Variants in RGS6 observed in about 807,000 individuals in gnomAD.
RGS6 encodes regulator of G protein signaling 6.
RGS6 carries 30 observed loss-of-function variants against 78.5 expected under a neutral mutation model. The observed-to-expected ratio is 0.38, with a 90% CI of 0.29 to 0.52. The LOEUF is 0.52. Ranked by LOEUF, RGS6 falls within the 20% of genes least tolerant of loss-of-function variation. RGS6 has a pLI of 0.85. For missense variants in RGS6, 495 were observed against 609.7 expected (o/e 0.81, Z 1.98); for synonymous variants, 206 against 206.0 (o/e 1.00, Z 0.00).
At chr14:72,519,495 C>T (rs2097000832) in intron 15 of RGS6, among the ~76,000 whole-genome samples, 1 of 152,186 alleles carries the variant, frequency 6.6e-6, no homozygotes, top group African/African-American at 2.4e-5. Context: ...TGCACCAATG[C>T]AAATAATGGC....
At chr14:72,099,049 CTGTT>C (rs1392166682) in intron 2 of RGS6, among the ~76,000 whole-genome samples, 3 of 152,192 alleles carry the variant, frequency 2.0e-5, no homozygotes, top group Admixed American at 6.5e-5. Flanking sequence ...ATCGAACAGT[CTGTT>C]TGTATTGAGT....
intron 3 of RGS6, among the ~76,000 whole-genome samples, chr14:72,410,182 A>T (rs1275877045): frequency 6.6e-6 from 1 of 152,224 alleles, no homozygotes; most frequent in Non-Finnish European, 1.5e-5. Flanking sequence ...TCCCACCAAC[A>T]GTGTAAAAGT....
chr14:72,155,751 C>T (rs943816814), intron 2 of RGS6, among the ~76,000 whole-genome samples: 1 of 152,184 alleles, frequency 6.6e-6, no homozygotes, highest in Non-Finnish European at 1.5e-5. Context: ...TGGCAATTTC[C>T]CCTTCTAATA....
At chr14:72,048,057 T>C (rs1414517172) in intron 2 of RGS6, among the ~76,000 whole-genome samples, 1 of 152,078 alleles carries the variant, frequency 6.6e-6, no homozygotes, top group African/African-American at 2.4e-5. Context: ...GAGCATCTTA[T>C]GTTTCACCAA....
intron 2 of RGS6, among the ~76,000 whole-genome samples, chr14:72,250,326 C>T (rs1000147272): frequency 1.3e-5 from 2 of 148,562 alleles, no homozygotes; most frequent in African/African-American, 5.0e-5. Flanking sequence ...TTCCTAGAAG[C>T]CTTCTTCCTT....
intron 15 of RGS6, among the ~76,000 whole-genome samples, chr14:72,533,669 AGTT>A (rs2097210165): frequency 1.3e-5 from 2 of 152,240 alleles, no homozygotes; most frequent in South Asian, 4.1e-4. Flanking sequence ...GTTTGGAAGA[AGTT>A]GATTCCAGCC....
chr14:72,591,206 G>A, the RGS6 span, among the ~76,000 whole-genome samples: 10 of 151,940 alleles, frequency 6.6e-5, no homozygotes, highest in South Asian at 2.1e-4. Context: ...ACGAAAACCC[G>A]TTATATAAAG....
intron 2 of RGS6, among the ~76,000 whole-genome samples, chr14:72,242,991 G>GGC (rs1279229445): frequency 6.6e-6 from 1 of 151,764 alleles, no homozygotes; most frequent in Non-Finnish European, 1.5e-5. Context: ...TGGGATTACA[G>GGC]GCGCGCGCCA....
At chr14:72,509,030 G>T (rs140495597) in intron 13 of RGS6, among the ~76,000 whole-genome samples, 1 of 152,294 alleles carries the variant, frequency 6.6e-6, no homozygotes, top group Non-Finnish European at 1.5e-5. Context: ...TAGTCTGAAT[G>T]TGAGACAGCA....
At chr14:72,108,926 T>C (rs1203502605) in intron 2 of RGS6, among the ~76,000 whole-genome samples, 2 of 152,162 alleles carry the variant, frequency 1.3e-5, no homozygotes, top group African/African-American at 4.8e-5. Flanking sequence ...TTTCCTCTTT[T>C]ATCCTTAAGC....
chr14:72,262,152 G>A (rs962815468), intron 2 of RGS6, among the ~76,000 whole-genome samples: 13 of 152,064 alleles, frequency 8.5e-5, no homozygotes, highest in Non-Finnish European at 5.9e-5. Flanking sequence ...TTTGGAGAGC[G>A]GTGGAGAATA....
chr14:72,260,758 A>T (rs548683804), intron 2 of RGS6, among the ~76,000 whole-genome samples: 5 of 152,338 alleles, frequency 3.3e-5, no homozygotes, highest in African/African-American at 1.2e-4. Flanking sequence ...GATTTTAGGG[A>T]TCTGTGAGCA....
At position 72,533,102 on chromosome 14, in the gene RGS6, G is replaced by C. The variant is rs549533693; in HGVS notation, c.1279-3084G>C. ...CTGGCTTCAAAGCTTCAAAGGACAG[G>C]CTGACTCTCTTGCTAGGGCTAATGC... On this transcript the variant is annotated intron_variant, in intron 15 of 17. Coordinates refer to ENST00000553525, the MANE Select transcript of RGS6 (RefSeq NM_001204424.2). Among the ~76,000 whole-genome samples, 5 of 152,322 alleles carry C rather than the reference G, an allele frequency of 3.3e-5. No homozygotes were observed. In the East Asian group the frequency reaches 9.7e-4, roughly 29 times the overall value.
the RGS6 span, among the ~76,000 whole-genome samples, chr14:72,586,592 G>A: frequency 4.6e-5 from 7 of 152,016 alleles, no homozygotes; most frequent in Admixed American, 3.9e-4. Context: ...TGATCCTTTC[G>A]ACACAGGGCA....
intron 2 of RGS6, among the ~76,000 whole-genome samples, chr14:72,147,903 G>A (rs561000632): frequency 3.9e-5 from 6 of 152,184 alleles, no homozygotes; most frequent in South Asian, 2.1e-4. Flanking sequence ...AGGCCAAGGC[G>A]GGCAGATCAC....
intron 14 of RGS6, 47 bp from the exon 15 acceptor site, chr14:72,518,304 C>T (rs778989829): frequency 1.4e-5 from 22 of 1,573,684 alleles, no homozygotes; most frequent in South Asian, 3.4e-5. Context: ...GGCAACATCC[C>T]GATGCTGAGC....
intron 2 of RGS6, among the ~76,000 whole-genome samples, chr14:72,072,468 C>T (rs925090409): frequency 3.3e-5 from 5 of 151,966 alleles, no homozygotes; most frequent in African/African-American, 4.8e-5. Flanking sequence ...CCACCATGCC[C>T]GGCTAATTTT....
At chr14:71,952,108 A>G (rs2092376540) in intron 1 of RGS6, among the ~76,000 whole-genome samples, 1 of 152,104 alleles carries the variant, frequency 6.6e-6, no homozygotes, top group Non-Finnish European at 1.5e-5. Context: ...CACGACTTGT[A>G]TTTGTTTTTC....
intron 2 of RGS6, among the ~76,000 whole-genome samples, chr14:72,196,293 T>C (rs1471599303): frequency 6.6e-6 from 1 of 152,124 alleles, no homozygotes; most frequent in Non-Finnish European, 1.5e-5. Context: ...GAGGAGAGGC[T>C]GTCAGATTAA....
Sources: allele counts gnomAD v4.1 joint callset (sites outside exome capture counted in the v4.1 genomes callset), GRCh38; gene constraint gnomAD v4.1.1; transcripts MANE v1.5; gene names NCBI Gene and HGNC (gene_info 2026-07-23, HGNC 2026-07-21).